The following FHL5 variants were observed in gnomAD, a reference collection of about 807,000 sequenced individuals.
FHL5 encodes the protein four and a half LIM domains protein 5.
FHL5 carries 33 observed loss-of-function variants against 32.0 expected under a neutral mutation model. The ratio of observed to expected loss-of-function variants is 1.03; its 90% CI spans 0.78 to 1.38. FHL5 has a LOEUF of 1.38. Ranked by LOEUF, FHL5 falls within the 40% of genes most tolerant of loss-of-function variation. The pLI is 0.00. For synonymous variants in FHL5, 114 were observed against 113.6 expected, an observed-to-expected ratio of 1.00 and a Z score of -0.02; for missense variants, 336 against 343.9, an observed-to-expected ratio of 0.98 and a Z score of 0.18.
At chr6:96,594,113 C>A (rs572182686) in intron 1 of FHL5, among the ~76,000 whole-genome samples, 1 of 150,148 alleles carries the variant, frequency 6.7e-6, no homozygotes, top group Non-Finnish European at 1.5e-5. Context: ...CCCACAGGGA[C>A]TTTATTATAC....
chr6:96,566,102 C>T (rs1770351606), intron 1 of FHL5, among the ~76,000 whole-genome samples: 1 of 151,974 alleles, frequency 6.6e-6, no homozygotes, highest in Non-Finnish European at 1.5e-5. Flanking sequence ...CTTATTCCTC[C>T]TATCTAGCTG....
At chr6:96,604,303 C>G (rs1032445904) in intron 2 of FHL5, among the ~76,000 whole-genome samples, 1 of 149,618 alleles carries the variant, frequency 6.7e-6, no homozygotes, top group Non-Finnish European at 1.5e-5. Context: ...ATTTTCCTCT[C>G]TCTTTCTCTC....
intron 1 of FHL5, among the ~76,000 whole-genome samples, chr6:96,598,541 C>T (rs1228914323): frequency 6.6e-6 from 1 of 152,190 alleles, no homozygotes; most frequent in African/African-American, 2.4e-5. Context: ...CTTCCTCCTT[C>T]TTTAAGGGGG....
intron 1 of FHL5, among the ~76,000 whole-genome samples, chr6:96,564,626 T>C (rs1770314690): frequency 6.6e-6 from 1 of 152,204 alleles, no homozygotes; most frequent in Admixed American, 6.5e-5. Context: ...ATATTACAAA[T>C]AAGAGTTTAG....
chr6:96,565,198 C>G (rs765089301), intron 1 of FHL5, among the ~76,000 whole-genome samples: 2 of 152,138 alleles, frequency 1.3e-5, no homozygotes, highest in East Asian at 1.9e-4. Flanking sequence ...TATGTCTAAA[C>G]TTTCACATGG....
chr6:96,569,776 A>G lies in FHL5; in HGVS notation c.-13+6421A>G, dbSNP rs542192010. On this transcript the variant is annotated intron_variant, in intron 1 of 5. Transcript: ENST00000450218. ...TTTCCATCCCTTATTTTTATTCTATATGTGTCTTTTTAGGTGAAGTGAGTT... is the reference window on the plus strand; with the variant it reads ...TTTCCATCCCTTATTTTTATTCTATGTGTGTCTTTTTAGGTGAAGTGAGTT... Among the ~76,000 whole-genome samples the G allele has an allele frequency of 1.0e-4, 12 of 115,386 alleles. 2 individuals carry two copies. Among genetic ancestry groups the G allele is most frequent in the Admixed American group, 7.7e-4 (9 of 11,660 alleles). The allele number at this position is 115,386 out of a possible 152,430, so 75.7% of individuals were successfully genotyped here.
rs1172238852 is a variant in FHL5, at chr6:96,618,288, T to C, written c.*2516T>C. On this transcript the variant is annotated 3_prime_UTR_variant, in exon 6 of 6. Coordinates refer to ENST00000450218, the MANE Select transcript of FHL5 (RefSeq NM_001322466.2). ...CTCCCAGTAATTCAAAGGTGACATC[T>C]GCATGGGCAGGAAAGAAGTTAAAAG... Among the ~76,000 whole-genome samples, 1 of 152,202 alleles carries C rather than the reference T, an allele frequency of 6.6e-6. No homozygotes were observed. Among genetic ancestry groups the C allele is most frequent in the Non-Finnish European group, 1.5e-5 (1 of 68,044 alleles).
intron 1 of FHL5, among the ~76,000 whole-genome samples, chr6:96,574,531 G>A (rs951558292): frequency 1.3e-5 from 2 of 152,112 alleles, no homozygotes; most frequent in South Asian, 4.1e-4. Context: ...AAATGTAAAA[G>A]CGATGCTTAG....
At position 96,610,493 on chromosome 6, in the gene FHL5, T is replaced by C; in HGVS notation, c.505-79T>C. Reference sequence around the variant, plus strand: ...TGCTTCCTTTTCTCCCCAGAGATACTAGGATCTCAAAAGAATCATGAAATG... The same window carrying C: ...TGCTTCCTTTTCTCCCCAGAGATACCAGGATCTCAAAAGAATCATGAAATG... On this transcript the variant is annotated intron_variant, in intron 4 of 5. Coordinates refer to ENST00000450218, the MANE Select transcript of FHL5 (RefSeq NM_001322466.2). The C allele has an allele frequency of 9.7e-6, 10 of 1,033,092 alleles. No homozygotes were observed. The South Asian group carries it at 1.3e-4, about 13-fold the overall frequency. The allele number at this position is 1,033,092 out of a possible 1,614,324, so 64.0% of individuals were successfully genotyped here.
At chr6:96,604,655 T>C in intron 2 of FHL5, 95 bp from the exon 3 acceptor site, 2 of 888,452 alleles carry the variant, frequency 2.3e-6, no homozygotes, top group African/African-American at 1.7e-5. Flanking sequence ...CACAACCTAC[T>C]GACATGAGAG....
chr6:96,563,695 G>C (rs1005395659), intron 1 of FHL5, among the ~76,000 whole-genome samples: 1 of 152,126 alleles, frequency 6.6e-6, no homozygotes, highest in South Asian at 2.1e-4. Context: ...GAAGAGGAGG[G>C]CTCTTGAGAT....
chr6:96,593,680 A>G (rs1188661375), intron 1 of FHL5, among the ~76,000 whole-genome samples: 1 of 152,138 alleles, frequency 6.6e-6, no homozygotes, highest in South Asian at 2.1e-4. Flanking sequence ...CAGAAGTGCC[A>G]TACAGCTTCT....
chr6:96,568,392 G>A (rs1770406511), intron 1 of FHL5, among the ~76,000 whole-genome samples: 1 of 151,720 alleles, frequency 6.6e-6, no homozygotes, highest in Non-Finnish European at 1.5e-5. Context: ...TTGCATCTAT[G>A]CTCATCATGT....
At chr6:96,588,687 G>A (rs3860231) in intron 1 of FHL5, among the ~76,000 whole-genome samples, 35,139 of 151,688 alleles carry the variant, frequency 0.23, 4,186 homozygotes, top group Middle Eastern at 0.3. Flanking sequence ...TGCTTATTAT[G>A]AGTGAATTAA....
chr6:96,602,152 C>T (rs552496287), intron 1 of FHL5, among the ~76,000 whole-genome samples: 16 of 152,220 alleles, frequency 1.1e-4, no homozygotes, highest in African/African-American at 3.6e-4. Flanking sequence ...TAAGGCAAAA[C>T]GCATGAGAAT....
Position 96,615,707 on chromosome 6 carries a change from T to G in FHL5, c.790T>G (p.Phe264Val). ...KCSVSLVGKG[F>V]LTQNKEIFCQ... ...CTCTGTCTCCTTGGTGGGTAAAGGCTTCCTGACCCAGAACAAGGAAATCTT... is the reference window on the plus strand; with the variant it reads ...CTCTGTCTCCTTGGTGGGTAAAGGCGTCCTGACCCAGAACAAGGAAATCTT... The change falls in exon 6 of 6, where the codon TTC (phenylalanine) becomes GTC (valine). Residue 264 changes from phenylalanine (F) to valine (V), a missense_variant. Coordinates refer to ENST00000450218, the MANE Select transcript of FHL5 (RefSeq NM_001322466.2). 1 of 1,612,762 alleles carries G rather than the reference T, an allele frequency of 6.2e-7. No individual in the cohort carries two copies. The highest frequency in any genetic ancestry group is 8.5e-7 in the Non-Finnish European group (1 of 1,179,430).
chr6:96,597,029 C>T (rs559911867), intron 1 of FHL5, among the ~76,000 whole-genome samples: 2 of 152,154 alleles, frequency 1.3e-5, no homozygotes, highest in African/African-American at 2.4e-5. Flanking sequence ...CCATCATTAC[C>T]TCCAACATGA....
chr6:96,575,911 G>T lies in FHL5; in HGVS notation c.-13+12556G>T, dbSNP rs557420022. The stretch of plus-strand genomic sequence containing the variant: ...GGGCCAAATAAATCCATAGCAATGT[G>T]TAGTTAAGTTTTTAAAGCTCTGACA... On this transcript the variant is annotated intron_variant, in intron 1 of 5. Coordinates refer to ENST00000450218, the MANE Select transcript of FHL5 (RefSeq NM_001322466.2). Among the ~76,000 whole-genome samples, 10 of 152,328 alleles carry T rather than the reference G, an allele frequency of 6.6e-5. No individual in the cohort carries two copies. The South Asian group carries it at 2.1e-3, about 32-fold the overall frequency.
intron 1 of FHL5, among the ~76,000 whole-genome samples, chr6:96,568,762 T>C (rs926907084): frequency 1.3e-5 from 2 of 151,900 alleles, no homozygotes; most frequent in African/African-American, 4.8e-5. Flanking sequence ...TAGCTGTTTA[T>C]AATAGTCTCT....
Sources: gnomAD v4.1 joint callset for allele counts (sites outside exome capture counted in the v4.1 genomes callset) on GRCh38, gnomAD v4.1.1 for gene constraint, MANE v1.5 for transcripts, NCBI Gene and HGNC (gene_info 2026-07-23, HGNC 2026-07-21) for gene names.